The following GATM variants were observed in gnomAD, a reference collection of about 807,000 sequenced individuals.
GATM encodes glycine amidinotransferase, also known as glycine amidinotransferase, mitochondrial.
Under a neutral mutation model 54.2 loss-of-function variants are expected in GATM, and 23 were observed. That is an observed-to-expected ratio of 0.42 (90% CI 0.31 to 0.60). The LOEUF (loss-of-function observed/expected upper bound fraction) is 0.60. GATM is among the 20% of genes least tolerant of loss of function. The probability of loss-of-function intolerance (pLI) is 0.14; values close to 1 mark genes in which losing one functional copy is unlikely to be tolerated. For missense variants in GATM, 401 were observed against 544.9 expected, an observed-to-expected ratio of 0.74 and a Z score of 2.63; for synonymous variants, 168 against 183.1, an observed-to-expected ratio of 0.92 and a Z score of 0.67.
chr15:45,376,979 G>T (rs1889648693), intron 1 of GATM, 160 bp from the exon 2 acceptor site: 6 of 681,476 alleles, frequency 8.8e-6, no homozygotes, highest in Non-Finnish European at 1.6e-5. Flanking sequence ...GTGGGTAGTG[G>T]GATTACAGAT....
intron 2 of GATM, 121 bp from the exon 3 acceptor site, chr15:45,369,642 G>A: frequency 1.2e-6 from 1 of 826,212 alleles, no homozygotes; most frequent in Non-Finnish European, 2.0e-6. Flanking sequence ...ACCACTCCAT[G>A]TTCAGTGCTG....
chr15:45,385,780 G>A (rs1298557695), intron 3 of GATM, among the ~76,000 whole-genome samples: 1 of 152,160 alleles, frequency 6.6e-6, no homozygotes, highest in African/African-American at 2.4e-5. Context: ...CCAGAGACTT[G>A]GAATTGCAGT....
chr15:45,384,954 T>C (rs988835248), intron 3 of GATM, among the ~76,000 whole-genome samples: 6 of 152,180 alleles, frequency 3.9e-5, no homozygotes, highest in Non-Finnish European at 7.4e-5. Flanking sequence ...ATGATCCTCC[T>C]GCCTCAGCCT....
chr15:45,397,670 G>A (rs1006819189), intron 2 of GATM, among the ~76,000 whole-genome samples: 1 of 152,138 alleles, frequency 6.6e-6, no homozygotes, highest in African/African-American at 2.4e-5. Flanking sequence ...AGTTCCATGA[G>A]CCATCCTAGT....
chr15:45,367,962 G>C, intron 4 of GATM, 108 bp downstream of exon 4: 1 of 866,312 alleles, frequency 1.2e-6, no homozygotes, highest in Non-Finnish European at 1.8e-6. Context: ...TGATGTTTTC[G>C]GTTTCTAAAA....
At chr15:45,372,421 C>CT (rs1889559317) in intron 2 of GATM, among the ~76,000 whole-genome samples, 10 of 152,166 alleles carry the variant, frequency 6.6e-5, no homozygotes, top group Admixed American at 1.3e-4. Context: ...GACCAAGCTA[C>CT]CCTTTCAAAA....
At chr15:45,396,992 C>G (rs1273963420) in exon 3 of GATM, 1 of 151,574 alleles carries the variant, frequency 6.6e-6, no homozygotes. Context: ...TTTCCCTCTT[C>G]CCTTTCCTCT....
chr15:45,384,397 G>T (rs1437510038), intron 3 of GATM, among the ~76,000 whole-genome samples: 2 of 152,184 alleles, frequency 1.3e-5, no homozygotes, highest in African/African-American at 4.8e-5. Context: ...GAGATAGAAA[G>T]TCCAGAACTA....
chr15:45,363,963 C>T lies in GATM; in HGVS notation c.1096G>A (p.Asp366Asn). 2 of 1,613,722 alleles carry T rather than the reference C, an allele frequency of 1.2e-6. No individual in the cohort carries two copies. Among genetic ancestry groups the T allele is most frequent in the Non-Finnish European group, 1.7e-6 (2 of 1,179,876 alleles). Reference protein sequence around the residue: ...KWLSMNVLMLDEKRVMVDANE... With the variant: ...KWLSMNVLMLNEKRVMVDANE... Reference sequence around the variant, plus strand: ...GCATCCACCATAACACGTTTTTCATCTAGCATTAAGACATTCATGGAAAGC... The same window carrying T: ...GCATCCACCATAACACGTTTTTCATTTAGCATTAAGACATTCATGGAAAGC... Residue 366 changes from aspartate to asparagine, a missense_variant, in exon 8 of 9, where the codon GAT becomes AAT. By Grantham distance (23) the Asp-to-Asn change is conservative. Around this residue, in one of 3 missense-constraint regions of GATM, gnomAD observed 321 missense variants for 457.5 expected, o/e 0.70. Coordinates refer to ENST00000396659, the MANE Select transcript of GATM (RefSeq NM_001482.3).
At chr15:45,381,349 T>A (rs892871039), upstream of GATM, among the ~76,000 whole-genome samples, 2 of 152,166 alleles carry the variant, frequency 1.3e-5, no homozygotes, top group African/African-American at 2.4e-5. Context: ...GGACAGGGAA[T>A]AGAAAACATA....
At chr15:45,377,468 A>C (rs1205283214) in intron 1 of GATM, 1 of 350,994 alleles carries the variant, frequency 2.8e-6, no homozygotes, top group East Asian at 7.6e-5. Flanking sequence ...CAAGGTCAGG[A>C]TTAGCTCAGG....
upstream of GATM, chr15:45,379,948 C>G (rs908610397): frequency 5.9e-5 from 9 of 151,586 alleles, no homozygotes; most frequent in Non-Finnish European, 1.5e-5. Context: ...GGTGAAACCC[C>G]GTCTCTACTA....
chr15:45,375,770 C>T (rs997281868), intron 2 of GATM, among the ~76,000 whole-genome samples: 5 of 136,604 alleles, frequency 3.7e-5, no homozygotes, highest in Admixed American at 7.3e-5. Context: ...CTAAACAATG[C>T]GGGGGGTGGT....
chr15:45,381,414 C>T (rs1889739582), upstream of GATM, among the ~76,000 whole-genome samples: 1 of 152,018 alleles, frequency 6.6e-6, no homozygotes, highest in East Asian at 1.9e-4. Flanking sequence ...CTGTTGCTTT[C>T]GAGATATGCC....
intron 3 of GATM, 87 bp downstream of exon 3, chr15:45,369,239 A>G: frequency 8.5e-7 from 1 of 1,170,642 alleles, no homozygotes; most frequent in East Asian, 2.3e-5. Context: ...GGACTCTCCA[A>G]GAAATTTTTT....
chr15:45,389,699 G>A (rs972875591), intron 3 of GATM, among the ~76,000 whole-genome samples: 2 of 152,054 alleles, frequency 1.3e-5, no homozygotes, highest in African/African-American at 2.4e-5. Context: ...TTGGAGTAGT[G>A]GTACAGAAAG....
chr15:45,380,225 C>A (rs1397918357), upstream of GATM: 1 of 133,606 alleles, frequency 7.5e-6, no homozygotes, highest in Non-Finnish European at 1.5e-5. Context: ...CCAGCCTGGG[C>A]GACAGAGCAA....
Position 45,378,367 on chromosome 15 carries a change from G to A in GATM, c.69+18C>T. 1.3e-6 allele frequency: 2 copies of A among 1,514,212 alleles called. No individual in the cohort carries two copies. Among genetic ancestry groups the A allele is most frequent in the South Asian group, 1.2e-5 (1 of 81,750 alleles). The allele number at this position is 1,514,212 out of a possible 1,614,324, so 93.8% of individuals were successfully genotyped here. ...AGTGAGTCACGCGGCCGCCAGACGAGGCCGGTGGCGCACGCACCCGAGATC... is the reference window on the plus strand; with the variant it reads ...AGTGAGTCACGCGGCCGCCAGACGAAGCCGGTGGCGCACGCACCCGAGATC... On this transcript the variant is annotated intron_variant, in intron 1 of 8. Transcript: ENST00000396659.
chr15:45,386,549 T>C (rs755002228), intron 3 of GATM, among the ~76,000 whole-genome samples: 3 of 152,210 alleles, frequency 2.0e-5, no homozygotes, highest in Non-Finnish European at 2.9e-5. Context: ...CCATACACGC[T>C]GTGATCTGGC....
Sources: allele counts gnomAD v4.1 joint callset (sites outside exome capture counted in the v4.1 genomes callset), GRCh38; gene constraint gnomAD v4.1.1; regional missense constraint gnomAD v4.1.1; transcripts MANE v1.5; gene names NCBI Gene and HGNC (gene_info 2026-07-23, HGNC 2026-07-21).